Variants in THAP10 observed in about 807,000 individuals in gnomAD.
THAP10 encodes THAP domain-containing protein 10.
A neutral mutation model predicts 15.7 loss-of-function variants in THAP10; 10 were observed. That is an observed-to-expected ratio of 0.64 (90% CI 0.39 to 1.08). THAP10 has a LOEUF of 1.08. Among genes scored for constraint, THAP10 ranks in the 50% least tolerant of loss-of-function variants. The pLI is 0.01. For synonymous variants in THAP10, 127 were observed against 129.1 expected (o/e 0.98, Z 0.11); for missense variants, 310 against 330.9 (o/e 0.94, Z 0.49).
chr15:70,883,622 C>T (rs1278205778), intron 1 of THAP10, among the ~76,000 whole-genome samples: 2 of 151,454 alleles, frequency 1.3e-5, no homozygotes, highest in African/African-American at 4.9e-5. Context: ...TAATACTTTC[C>T]TGAGAAAAAC....
intron 1 of THAP10, among the ~76,000 whole-genome samples, chr15:70,885,364 A>G (rs991063321): frequency 5.3e-5 from 8 of 152,366 alleles, no homozygotes; most frequent in African/African-American, 1.7e-4. Context: ...GCATTAAGAC[A>G]TGCCTTTACA....
At chr15:70,884,836 C>T (rs930377218) in intron 1 of THAP10, among the ~76,000 whole-genome samples, 3 of 151,944 alleles carry the variant, frequency 2.0e-5, no homozygotes, top group African/African-American at 4.8e-5. Flanking sequence ...TTGCACCATA[C>T]AGAGAAGCAA....
chr15:70,892,363 C>T lies in THAP10; in HGVS notation c.-91G>A, dbSNP rs1440976397. 2 of 1,547,662 alleles carry T rather than the reference C, an allele frequency of 1.3e-6. No individual in the cohort carries two copies. Among genetic ancestry groups the T allele is most frequent in the East Asian group, 2.4e-5 (1 of 40,882 alleles). On this transcript the variant is annotated 5_prime_UTR_variant, in exon 1 of 3. Coordinates refer to ENST00000249861, the MANE Select transcript of THAP10 (RefSeq NM_020147.4). Reference sequence around the variant, plus strand: ...AGCGGCCTCGGCGAGGCAAGTCCTCCCCTCCTCACCTGTCCACTCCGGGTC... The same window carrying T: ...AGCGGCCTCGGCGAGGCAAGTCCTCTCCTCCTCACCTGTCCACTCCGGGTC...
chr15:70,884,323 A>G (rs1394804931), intron 1 of THAP10, among the ~76,000 whole-genome samples: 1 of 152,044 alleles, frequency 6.6e-6, no homozygotes, highest in Non-Finnish European at 1.5e-5. Context: ...ACTTGAGGTC[A>G]GGAGTTCGAG....
chr15:70,886,838 C>G, intron 1 of THAP10, among the ~76,000 whole-genome samples: 1 of 151,818 alleles, frequency 6.6e-6, no homozygotes, highest in South Asian at 2.1e-4. Context: ...TGCACTCCAG[C>G]CTGTGTGACA....
chr15:70,890,543 CTAATA>C (rs755869376), intron 1 of THAP10, among the ~76,000 whole-genome samples: 2 of 152,156 alleles, frequency 1.3e-5, no homozygotes, highest in Non-Finnish European at 2.9e-5. Flanking sequence ...AGCTTACATT[CTAATA>C]TGAGAAACAA....
At chr15:70,886,385 C>T (rs977120029) in intron 1 of THAP10, among the ~76,000 whole-genome samples, 2 of 152,006 alleles carry the variant, frequency 1.3e-5, no homozygotes, top group Admixed American at 6.6e-5. Context: ...CTTAGCTGCA[C>T]CATTTAACAT....
chr15:70,890,276 ATGTT>A (rs2033519175), intron 1 of THAP10, among the ~76,000 whole-genome samples: 1 of 152,134 alleles, frequency 6.6e-6, no homozygotes, highest in African/African-American at 2.4e-5. Context: ...GTGGATGTAT[ATGTT>A]TGGGCAAAGT....
Position 70,882,550 on chromosome 15 carries a change from G to GTAAA in THAP10, c.674_677dup (p.Ser227LeufsTer4), listed in dbSNP as rs763113581. 3.1e-6 allele frequency: 5 copies of GTAAA among 1,613,762 alleles called. No individual in the cohort carries two copies. Among genetic ancestry groups the GTAAA allele is most frequent in the Non-Finnish European group, 2.5e-6 (3 of 1,179,706 alleles). On this transcript the variant is annotated frameshift_variant, in exon 3 of 3. Transcript: ENST00000249861. LOFTEE classifies it high-confidence loss of function. ...CTGTATCTGTTTCTGAATCACTGGA[G>GTAAA]TAAATGTCAAAGAGAGAGGAAGTTC...
At chr15:70,891,567 C>CTGTGTGTGTGTGTGTGTG (rs3220843) in intron 1 of THAP10, among the ~76,000 whole-genome samples, 55 of 137,138 alleles carry the variant, frequency 4.0e-4, no homozygotes, top group Admixed American at 1.5e-3. Flanking sequence ...GGACAAGACT[C>CTGTGTGTGTGTGTGTGTG]TGTGTGTGTG....
At chr15:70,885,603 A>G (rs1011178381) in intron 1 of THAP10, among the ~76,000 whole-genome samples, 6 of 152,202 alleles carry the variant, frequency 3.9e-5, no homozygotes, top group Admixed American at 3.3e-4. Context: ...GCAAACACTA[A>G]GTTAAAGAAA....
intron 1 of THAP10, among the ~76,000 whole-genome samples, chr15:70,887,573 A>T (rs1382492035): frequency 6.6e-6 from 1 of 152,164 alleles, no homozygotes; most frequent in African/African-American, 2.4e-5. Context: ...TATAATCTAA[A>T]CTAGAAATAA....
intron 1 of THAP10, among the ~76,000 whole-genome samples, chr15:70,885,828 GA>G (rs1420951149): frequency 6.6e-6 from 1 of 152,112 alleles, no homozygotes; most frequent in African/African-American, 2.4e-5. Context: ...AAGGATATAG[GA>G]AATTTAAACA....
intron 1 of THAP10, among the ~76,000 whole-genome samples, chr15:70,884,730 T>C (rs1310629106): frequency 1.3e-5 from 2 of 152,188 alleles, no homozygotes; most frequent in African/African-American, 4.8e-5. Flanking sequence ...CAAAAAGGTG[T>C]ATTCTGGATA....
At position 70,881,557 on chromosome 15, in the gene THAP10, A is replaced by G. The variant is rs1253676881; in HGVS notation, c.*897T>C. ...AGTTATAGTATGCTTCTCAGAAACT[A>G]TTGTAACAGTTTACTTCATGGTACA... On this transcript the variant is annotated 3_prime_UTR_variant, in exon 3 of 3. Coordinates refer to ENST00000249861, the MANE Select transcript of THAP10 (RefSeq NM_020147.4). The G allele has an allele frequency of 6.6e-6, 1 of 152,196 alleles. No homozygotes were observed. The highest frequency in any genetic ancestry group is 1.5e-5 in the Non-Finnish European group (1 of 68,038). The allele number at this position is 152,196 out of a possible 1,614,324, so 9.4% of individuals were successfully genotyped here.
chr15:70,891,257 G>A (rs2033552901), intron 1 of THAP10, among the ~76,000 whole-genome samples: 1 of 152,290 alleles, frequency 6.6e-6, no homozygotes, highest in South Asian at 2.1e-4. Flanking sequence ...GCAGAAGAGA[G>A]CAAGATGGGG....
chr15:70,887,149 G>A (rs1646061532), intron 1 of THAP10, among the ~76,000 whole-genome samples: 1 of 151,786 alleles, frequency 6.6e-6, no homozygotes, highest in South Asian at 2.1e-4. Context: ...TTTCCAAAAG[G>A]AAAACTCCTG....
At chr15:70,884,413 G>A (rs2033348323) in intron 1 of THAP10, among the ~76,000 whole-genome samples, 2 of 152,080 alleles carry the variant, frequency 1.3e-5, no homozygotes, top group African/African-American at 2.4e-5. Flanking sequence ...TCAGCTATTC[G>A]GGAGGCTGAG....
intron 1 of THAP10, 75 bp downstream of exon 1, chr15:70,891,769 C>G (rs1214682076): frequency 7.4e-7 from 1 of 1,357,590 alleles, no homozygotes; most frequent in African/African-American, 1.5e-5. Context: ...GGTGCCTTTC[C>G]CAAGGTGACA....
Sources: allele counts gnomAD v4.1 joint callset (sites outside exome capture counted in the v4.1 genomes callset), GRCh38; gene constraint gnomAD v4.1.1; transcripts MANE v1.5; gene names NCBI Gene and HGNC (gene_info 2026-07-23, HGNC 2026-07-21).